Variants in PLD5 observed in about 807,000 individuals in gnomAD.
PLD5 encodes phospholipase D family member 5, also known as inactive phospholipase D5.
PLD5 carries 36 observed loss-of-function variants against 61.1 expected under a neutral mutation model. The observed-to-expected ratio is 0.59, with a 90% CI of 0.45 to 0.78. The LOEUF (loss-of-function observed/expected upper bound fraction) is 0.78. Ranked by LOEUF, PLD5 falls within the 30% of genes least tolerant of loss-of-function variation. The pLI, the probability that PLD5 is intolerant of heterozygous loss-of-function variation, is 0.00. For missense variants in PLD5, 515 were observed against 644.4 expected (o/e 0.80, Z 2.17); for synonymous variants, 243 against 242.8 (o/e 1.00, Z -0.01).
chr1:242,432,506 G>A (rs116633594), intron 1 of PLD5, among the ~76,000 whole-genome samples: 3,229 of 152,300 alleles, frequency 0.021, 130 homozygotes, highest in African/African-American at 0.072. Flanking sequence ...AATGGAAGGT[G>A]TGTCTTTAGA....
chr1:242,207,884 ATT>A lies in PLD5; in HGVS notation c.735+12102_735+12103del, dbSNP rs1669494499. Among the ~76,000 whole-genome samples, 18 of 28,604 alleles carry A rather than the reference ATT, an allele frequency of 6.3e-4. 1 individual carries two copies. The highest frequency in any genetic ancestry group is 1.7e-3 in the African/African-American group (11 of 6,554). The allele number at this position is 28,604 out of a possible 152,430, so 18.8% of individuals were successfully genotyped here. A position where few individuals can be genotyped will look rare whatever the true frequency, so the allele number is the denominator to read the frequency against. ...TTTATATATTTATATATATTTATAT[ATT>A]TATATATATTTATATATTTATATAT... On this transcript the variant is annotated intron_variant, in intron 5 of 9. Coordinates refer to ENST00000536534, the MANE Select transcript of PLD5 (RefSeq NM_001372062.1).
rs767648649 is a variant in PLD5 at position 242,378,875 on chromosome 1, AAG to A, written c.190-30635_190-30634del. On this transcript the variant is annotated intron_variant, in intron 1 of 9. Transcript: ENST00000536534. ...AAACAATAAAAAATACGTTAAAAAA[AAG>A]AGAGAGAAGAAAAAAGGAAAACAAC... is the stretch of plus-strand genomic sequence containing the variant. Among the ~76,000 whole-genome samples the A allele has an allele frequency of 5.3e-5, 8 of 152,234 alleles. No individual in the cohort carries two copies. In the South Asian group the frequency reaches 1.5e-3, roughly 28 times the overall value.
At chr1:242,303,795 G>A (rs1676193236) in intron 2 of PLD5, among the ~76,000 whole-genome samples, 1 of 152,180 alleles carries the variant, frequency 6.6e-6, no homozygotes, top group South Asian at 2.1e-4. Context: ...TAACTACAAA[G>A]CAATTAAACT....
intron 1 of PLD5, chr1:242,365,159 C>T (rs1240233656): frequency 6.6e-6 from 1 of 152,164 alleles, no homozygotes; most frequent in Non-Finnish European, 1.5e-5. Flanking sequence ...TACTGAAGCT[C>T]CTTTTCCAAT....
rs1260415274 is a variant in PLD5, at chr1:242,256,743, CTAT to C, written c.607+8591_607+8593del. Among the ~76,000 whole-genome samples the C allele has an allele frequency of 7.0e-6, 1 of 141,904 alleles. No individual in the cohort carries two copies. The highest frequency in any genetic ancestry group is 1.5e-5 in the Non-Finnish European group (1 of 66,140). 93.1% of individuals were successfully genotyped at this position (141,904 alleles called of 152,430 possible). A position where few individuals can be genotyped will look rare whatever the true frequency, so the allele number is the denominator to read the frequency against. ...TTACAGCAGCACAAATGAACTAAGA[CTAT>C]CATCTATCTATCTATCTATCTATCT... is the stretch of plus-strand genomic sequence containing the variant. On this transcript the variant is annotated intron_variant, in intron 4 of 9. Transcript: ENST00000536534. This position sits in a 1 kb window ranked among gnomAD's most constrained non-coding sequence, Gnocchi z 5.7.
chr1:242,392,423 A>T (rs1276143539), intron 1 of PLD5, among the ~76,000 whole-genome samples: 1 of 152,166 alleles, frequency 6.6e-6, no homozygotes, highest in East Asian at 1.9e-4. Flanking sequence ...AGTTAAAATT[A>T]TGGGGTGAAA....
chr1:242,490,373 A>T (rs1317091880), intron 1 of PLD5, among the ~76,000 whole-genome samples: 1 of 152,230 alleles, frequency 6.6e-6, no homozygotes. Context: ...AATAAACCAA[A>T]TACCATTTTT....
chr1:242,494,159 T>C (rs982577116), intron 1 of PLD5, among the ~76,000 whole-genome samples: 2 of 146,356 alleles, frequency 1.4e-5, no homozygotes, highest in Non-Finnish European at 3.0e-5. Context: ...ATTCTAAGTT[T>C]TGGTGTCCTT....
intron 1 of PLD5, among the ~76,000 whole-genome samples, chr1:242,408,661 T>C (rs1400120181): frequency 1.3e-5 from 2 of 152,234 alleles, no homozygotes; most frequent in African/African-American, 4.8e-5. Context: ...ATGCATCAGG[T>C]ACAGCCTGCA....
At chr1:242,253,071 T>TCCCAAAG (rs1672799206) in intron 4 of PLD5, among the ~76,000 whole-genome samples, 1 of 149,682 alleles carries the variant, frequency 6.7e-6, no homozygotes, top group Non-Finnish European at 1.5e-5. Context: ...TGCCTTGGCC[T>TCCCAAAG]CCCAAAGTGC....
chr1:242,171,730 A>G (rs948533123), intron 5 of PLD5, among the ~76,000 whole-genome samples: 1 of 147,228 alleles, frequency 6.8e-6, no homozygotes, highest in African/African-American at 2.5e-5. Context: ...AAAAAAAAAG[A>G]GCAGGAGTTG....
chr1:242,387,657 ATAAAATTTTAT>A lies in PLD5; in HGVS notation c.190-39426_190-39416del, dbSNP rs1317754411. Among the ~76,000 whole-genome samples, 451 of 138,958 alleles carry A rather than the reference ATAAAATTTTAT, an allele frequency of 3.2e-3. 5 individuals are homozygous for A. The highest frequency in any genetic ancestry group is 0.013 in the African/African-American group (435 of 34,614). 91.2% of individuals were successfully genotyped at this position (138,958 alleles called of 152,430 possible). A position where few individuals can be genotyped will look rare whatever the true frequency, so the allele number is the denominator to read the frequency against. ...TTATATAAAATTTTATCTATTTTATATAAAATTTTATCTATTTTATATAAAATTTTATCTAT... is the reference window on the plus strand; with the variant it reads ...TTATATAAAATTTTATCTATTTTATACTATTTTATATAAAATTTTATCTAT... On this transcript the variant is annotated intron_variant, in intron 1 of 9. Coordinates refer to ENST00000536534, the MANE Select transcript of PLD5 (RefSeq NM_001372062.1).
intron 5 of PLD5, among the ~76,000 whole-genome samples, chr1:242,190,403 C>T (rs1328293984): frequency 6.6e-6 from 1 of 151,912 alleles, no homozygotes; most frequent in Admixed American, 6.5e-5. Flanking sequence ...ACCTCGGCCT[C>T]CCAAAGTGCT....
intron 4 of PLD5, chr1:242,235,906 C>G (rs962987509): frequency 2.0e-5 from 3 of 152,180 alleles, no homozygotes; most frequent in African/African-American, 7.2e-5. Flanking sequence ...TCCTGCATCC[C>G]TGTTAATTCA....
At chr1:242,109,719 A>G (rs879217659) in intron 7 of PLD5, among the ~76,000 whole-genome samples, 7 of 152,066 alleles carry the variant, frequency 4.6e-5, no homozygotes, top group African/African-American at 1.7e-4. Context: ...TTTTTTTTCA[A>G]GAAATTTTTG....
At chr1:242,313,030 G>A (rs967384266) in intron 2 of PLD5, among the ~76,000 whole-genome samples, 28 of 152,070 alleles carry the variant, frequency 1.8e-4, no homozygotes, top group Middle Eastern at 3.4e-3. Context: ...CTTCCTTATC[G>A]TACCCACTAC....
intron 9 of PLD5, among the ~76,000 whole-genome samples, chr1:242,096,098 A>T (rs527815043): frequency 6.6e-6 from 1 of 151,960 alleles, no homozygotes; most frequent in Admixed American, 6.5e-5. Flanking sequence ...AGCTGGGAAT[A>T]CAGGTGCCCG....
At chr1:242,428,249 TGA>T (rs1187022972) in intron 1 of PLD5, among the ~76,000 whole-genome samples, 1 of 152,220 alleles carries the variant, frequency 6.6e-6, no homozygotes, top group Non-Finnish European at 1.5e-5. Flanking sequence ...ATCTGGTGGA[TGA>T]GAGAAACAAA....
At chr1:242,448,001 C>T (rs1028221653) in intron 1 of PLD5, among the ~76,000 whole-genome samples, 9 of 152,184 alleles carry the variant, frequency 5.9e-5, no homozygotes, top group Non-Finnish European at 1.3e-4. Flanking sequence ...CACTCAGAGT[C>T]CCATTTAATC....
Sources: gnomAD v4.1 joint callset for allele counts (sites outside exome capture counted in the v4.1 genomes callset) on GRCh38, gnomAD v4.1.1 for gene constraint, Gnocchi (gnomAD v3.1) non-coding constraint, MANE v1.5 for transcripts, NCBI Gene and HGNC (gene_info 2026-07-23, HGNC 2026-07-21) for gene names.